PPP1R7: variants seen among roughly 807,000 people sequenced by gnomAD.
The protein encoded by PPP1R7 is protein phosphatase 1 regulatory subunit 7.
A neutral mutation model predicts 45.2 loss-of-function variants in PPP1R7; 18 were observed. The ratio of observed to expected loss-of-function variants is 0.40; its 90% confidence interval spans 0.28 to 0.59. The LOEUF is 0.59. PPP1R7 is among the 20% of genes least tolerant of loss of function. PPP1R7 has a pLI of 0.46. For missense variants in PPP1R7, 314 were observed against 455.8 expected (o/e 0.69, Z 2.83); for synonymous variants, 181 against 183.4 (o/e 0.99, Z 0.11).
At chr2:241,170,371 T>C (rs2067791851) in intron 9 of PPP1R7, among the ~76,000 whole-genome samples, 1 of 152,214 alleles carries the variant, frequency 6.6e-6, no homozygotes, top group Non-Finnish European at 1.5e-5. Context: ...GTCACAGGTA[T>C]GGTTTCAGGA....
chr2:241,174,810 G>A (rs1346177468), intron 9 of PPP1R7, among the ~76,000 whole-genome samples: 1 of 151,812 alleles, frequency 6.6e-6, no homozygotes, highest in African/African-American at 2.4e-5. Context: ...GAGTAGCTGG[G>A]ACTACCGGTG....
At chr2:241,169,652 T>A (rs2067780201) in intron 8 of PPP1R7, 129 bp from the exon 9 acceptor site, 1 of 730,190 alleles carries the variant, frequency 1.4e-6, no homozygotes, top group African/African-American at 1.7e-5. Context: ...TAGCATGCCC[T>A]TACCCTGTGA....
In PPP1R7 at chr2:241,163,451, C is replaced by T. The variant is rs777396024; in HGVS notation, c.714+50C>T. 1.4e-5 allele frequency: 17 copies of T among 1,251,704 alleles called. No individual in the cohort carries two copies. In the East Asian group the frequency reaches 1.4e-4, roughly 10 times the overall value. 77.5% of individuals were successfully genotyped at this position (1,251,704 alleles called of 1,614,324 possible). On this transcript the variant is annotated intron_variant, in intron 7 of 9. Coordinates refer to ENST00000234038, the MANE Select transcript of PPP1R7 (RefSeq NM_002712.3). ...TCCCTGCGAGCCCTGGCAGGGCCAGCGCTGCTGGACACAATCTTAGTTTTT... is the reference window on the plus strand; with the variant it reads ...TCCCTGCGAGCCCTGGCAGGGCCAGTGCTGCTGGACACAATCTTAGTTTTT...
At chr2:241,158,934 C>T (rs1040427796) in intron 4 of PPP1R7, 5 of 446,648 alleles carry the variant, frequency 1.1e-5, no homozygotes, top group Non-Finnish European at 2.1e-5. Flanking sequence ...ACACCCACAC[C>T]CCAGGCCAAC....
At chr2:241,159,653 A>C (rs2067541128) in intron 5 of PPP1R7, among the ~76,000 whole-genome samples, 1 of 152,162 alleles carries the variant, frequency 6.6e-6, no homozygotes, top group African/African-American at 2.4e-5. Context: ...ATCGGTAGAG[A>C]GGAAAGTTAA....
Position 241,183,643 on chromosome 2 carries a change from T to C in PPP1R7, c.*820T>C. 3.2e-6 allele frequency: 1 copy of C among 311,768 alleles called. No individual in the cohort carries two copies. The highest frequency in any genetic ancestry group is 1.1e-4 in the East Asian group (1 of 8,940). 19.3% of individuals were successfully genotyped at this position (311,768 alleles called of 1,614,324 possible). A position where few individuals can be genotyped will look rare whatever the true frequency, so the allele number is the denominator to read the frequency against. The stretch of plus-strand genomic sequence containing the variant: ...TGGCTTTTTTAATATAAAATGTACA[T>C]TGACAGACACCCGAAGTCTGGATTT... On this transcript the variant is annotated 3_prime_UTR_variant, in exon 10 of 10. Coordinates refer to ENST00000234038, the MANE Select transcript of PPP1R7 (RefSeq NM_002712.3).
chr2:241,162,144 C>T lies in PPP1R7; in HGVS notation c.598-1141C>T, dbSNP rs1419612053. The stretch of plus-strand genomic sequence containing the variant: ...AACTAGAGAGCAGCCCAGATGTCCG[C>T]ATTTTACCAAGTGTCTCACTATGGA... On this transcript the variant is annotated intron_variant, in intron 6 of 9. Coordinates refer to ENST00000234038, the MANE Select transcript of PPP1R7 (RefSeq NM_002712.3). 2.0e-5 allele frequency among the ~76,000 whole-genome samples: 3 copies of T among 152,194 alleles called. No homozygotes were observed. In the East Asian group the frequency reaches 5.8e-4, roughly 29 times the overall value.
At chr2:241,160,258 A>T in intron 5 of PPP1R7, 74 bp from the exon 6 acceptor site, 3 of 1,186,930 alleles carry the variant, frequency 2.5e-6, no homozygotes, top group Non-Finnish European at 1.2e-6. Context: ...CGCCACCTTT[A>T]GTGGTTAAAT....
In PPP1R7 at chr2:241,166,343, C is replaced by G; in HGVS notation, c.721C>G (p.Arg241Gly). The change falls in exon 8 of 10, where the codon CGG becomes GGG. Residue 241 changes from arginine to glycine, a missense_variant. Physicochemically the swap from Arg to Gly is moderately radical, Grantham distance 125. Transcript: ENST00000234038. The part of the protein sequence containing the change: ...NLTVLSMQSN[R>G]LTKIEGLQNL... Reference sequence around the variant, plus strand: ...TGTGCTCTCCCTCTTGCAGAGCAACCGGCTGACCAAGATCGAGGGTCTGCA... The same window carrying G: ...TGTGCTCTCCCTCTTGCAGAGCAACGGGCTGACCAAGATCGAGGGTCTGCA... 6.2e-7 allele frequency: 1 copy of G among 1,613,872 alleles called. No homozygotes were observed. Among genetic ancestry groups the G allele is most frequent in the Non-Finnish European group, 8.5e-7 (1 of 1,179,876 alleles).
intron 5 of PPP1R7, among the ~76,000 whole-genome samples, chr2:241,160,025 C>T (rs910511680): frequency 1.3e-5 from 2 of 152,186 alleles, no homozygotes; most frequent in Admixed American, 1.3e-4. Flanking sequence ...GTGTGAGGTC[C>T]TGTCATGGGC....
At chr2:241,164,351 G>A (rs928190336) in intron 7 of PPP1R7, among the ~76,000 whole-genome samples, 2 of 152,188 alleles carry the variant, frequency 1.3e-5, no homozygotes, top group African/African-American at 4.8e-5. Flanking sequence ...TCCTTCCATT[G>A]CACAGAGAAT....
Position 241,154,534 on chromosome 2 carries a change from AAAAAAAAG to A in PPP1R7, c.181+944_181+951del, listed in dbSNP as rs370612339. Reference sequence around the variant, plus strand: ...GAAACCCTGTCTCTACTAAAAATACAAAAAAAAGAAAAAAAGAAAAATTAGCCAGGCAT... The same window carrying A: ...GAAACCCTGTCTCTACTAAAAATACAAAAAAAAGAAAAATTAGCCAGGCAT... On this transcript the variant is annotated intron_variant, in intron 2 of 9. Coordinates refer to ENST00000234038, the MANE Select transcript of PPP1R7 (RefSeq NM_002712.3). Among the ~76,000 whole-genome samples the A allele has an allele frequency of 6.6e-3, 1,010 of 152,030 alleles. 8 individuals carry two copies. The highest frequency in any genetic ancestry group is 0.023 in the African/African-American group (961 of 41,472).
At chr2:241,158,894 A>G in intron 4 of PPP1R7, 1 of 416,248 alleles carries the variant, frequency 2.4e-6, no homozygotes, top group Non-Finnish European at 4.4e-6. Context: ...AGCCCACCAA[A>G]GGTTCTTATG....
At chr2:241,165,911 AT>A (rs1358425658) in intron 7 of PPP1R7, among the ~76,000 whole-genome samples, 6 of 112,678 alleles carry the variant, frequency 5.3e-5, no homozygotes, top group Admixed American at 1.8e-4. Flanking sequence ...ATATATATAT[AT>A]TTTTTTTTGA....
upstream of PPP1R7, chr2:241,149,608 C>A (rs774280358): frequency 2.0e-4 from 300 of 1,526,402 alleles, no homozygotes; most frequent in Non-Finnish European, 2.6e-4. Flanking sequence ...AGGGACGCAC[C>A]AAACACCCCT....
chr2:241,177,491 A>G (rs771349375), intron 9 of PPP1R7, among the ~76,000 whole-genome samples: 3 of 152,214 alleles, frequency 2.0e-5, no homozygotes, highest in African/African-American at 7.2e-5. Context: ...AGGTATATCT[A>G]ATTTTATAAA....
rs2067247977 is a variant in PPP1R7, at chr2:241,150,658, C to A, written c.52+111C>A. 6 of 1,317,138 alleles carry A rather than the reference C, an allele frequency of 4.6e-6. No homozygotes were observed. In the East Asian group the frequency reaches 1.3e-4, roughly 28 times the overall value. The allele number at this position is 1,317,138 out of a possible 1,614,324, so 81.6% of individuals were successfully genotyped here. Reference sequence around the variant, plus strand: ...TCCACGTCCTGCCTCTGGCCGCCGCCGCGCGGCCCCCTGACAGCTGACAGC... The same window carrying A: ...TCCACGTCCTGCCTCTGGCCGCCGCAGCGCGGCCCCCTGACAGCTGACAGC... On this transcript the variant is annotated intron_variant, in intron 1 of 9. Coordinates refer to ENST00000234038, the MANE Select transcript of PPP1R7 (RefSeq NM_002712.3).
chr2:241,158,379 C>T (rs1178515401), intron 3 of PPP1R7, 105 bp from the exon 4 acceptor site: 3 of 1,023,704 alleles, frequency 2.9e-6, no homozygotes, highest in Non-Finnish European at 4.6e-6. Context: ...ACCCACCTGG[C>T]ACTGCCTCCC....
chr2:241,180,205 A>G (rs1334458860), intron 9 of PPP1R7, among the ~76,000 whole-genome samples: 1 of 152,188 alleles, frequency 6.6e-6, no homozygotes, highest in Non-Finnish European at 1.5e-5. Flanking sequence ...CTACAAGAAA[A>G]TCTTACTTCT....
Sources: allele counts gnomAD v4.1 joint callset (sites outside exome capture counted in the v4.1 genomes callset), GRCh38; gene constraint gnomAD v4.1.1; transcripts MANE v1.5; gene names NCBI Gene and HGNC (gene_info 2026-07-23, HGNC 2026-07-21).